The following PC variants were observed in gnomAD, a reference collection of about 807,000 sequenced individuals.
The protein encoded by PC is pyruvate carboxylase.
In PC, 46 loss-of-function variants were observed where a neutral mutation model predicts 107.8. That is an observed-to-expected ratio of 0.43 (90% CI 0.34 to 0.55). The LOEUF is 0.55. Among genes scored for constraint, PC ranks in the 20% least tolerant of loss-of-function variants. PC has a pLI of 0.04. For missense variants in PC, 1,241 were observed against 1,643.1 expected, an observed-to-expected ratio of 0.76 and a Z score of 4.23; for synonymous variants, 662 against 684.7, an observed-to-expected ratio of 0.97 and a Z score of 0.52.
chr11:66,921,246 C>A (rs1457660341), intron 3 of PC, among the ~76,000 whole-genome samples: 2 of 152,190 alleles, frequency 1.3e-5, no homozygotes, highest in Non-Finnish European at 2.9e-5. Context: ...AAACACTTCT[C>A]CTTTACATTT....
At position 66,858,276 on chromosome 11, in the gene PC, C is replaced by T. The variant is rs1945995949; in HGVS notation, c.1369-4893G>A. 3 of 1,612,106 alleles carry T rather than the reference C, an allele frequency of 1.9e-6. No individual in the cohort carries two copies. The East Asian group carries it at 6.7e-5, about 36-fold the overall frequency. On this transcript the variant is annotated intron_variant, in intron 12 of 22. Coordinates refer to ENST00000393960, the MANE Select transcript of PC (RefSeq NM_001040716.2). This position sits in a 1 kb window ranked among gnomAD's most constrained non-coding sequence, Gnocchi z 5.9. ...TGCCCTGCACACCCTCAACCTGGAC[C>T]ATAACCTTATTGACGCACTGCCCCC... is the stretch of plus-strand genomic sequence containing the variant.
In PC at chr11:66,848,845, G is replaced by T; in HGVS notation, c.*54C>A. On this transcript the variant is annotated 3_prime_UTR_variant, in exon 23 of 23. Transcript: ENST00000393960. ...TGGCTGGCCTGGGCCTGCCGTGGCAGCACAGCTTCTGTTGAAGGCTTGGGG... is the reference window on the plus strand; with the variant it reads ...TGGCTGGCCTGGGCCTGCCGTGGCATCACAGCTTCTGTTGAAGGCTTGGGG... 6.2e-7 allele frequency: 1 copy of T among 1,611,422 alleles called. No individual in the cohort carries two copies. The highest frequency in any genetic ancestry group is 8.5e-7 in the Non-Finnish European group (1 of 1,179,404).
At chr11:66,913,261 G>A (rs530408868) in intron 3 of PC, among the ~76,000 whole-genome samples, 1 of 151,690 alleles carries the variant, frequency 6.6e-6, no homozygotes, top group Non-Finnish European at 1.5e-5. Flanking sequence ...GGTGGCCCCT[G>A]GGCAGATCTA....
At chr11:66,879,257 C>G (rs1470218956) in intron 3 of PC, among the ~76,000 whole-genome samples, 1 of 152,250 alleles carries the variant, frequency 6.6e-6, no homozygotes, top group Non-Finnish European at 1.5e-5. Flanking sequence ...GCTGACCATG[C>G]ACCCAATGCT....
chr11:66,852,014 A>G lies in PC; in HGVS notation c.1826-68T>C, dbSNP rs1047965636. Reference sequence around the variant, plus strand: ...GGGAACTCCACCAGGCCTTGGAGCTAGCTCTGCAGCACAAGCCTCTGGCCC... The same window carrying G: ...GGGAACTCCACCAGGCCTTGGAGCTGGCTCTGCAGCACAAGCCTCTGGCCC... On this transcript the variant is annotated intron_variant, in intron 15 of 22. Coordinates refer to ENST00000393960, the MANE Select transcript of PC (RefSeq NM_001040716.2). This position sits in a 1 kb window ranked among gnomAD's most constrained non-coding sequence, Gnocchi z 4.7. 7.2e-6 allele frequency: 11 copies of G among 1,521,154 alleles called. No homozygotes were observed. Among genetic ancestry groups the G allele is most frequent in the Non-Finnish European group, 9.0e-6 (10 of 1,107,358 alleles). 94.2% of individuals were successfully genotyped at this position (1,521,154 alleles called of 1,614,324 possible). A position where few individuals can be genotyped will look rare whatever the true frequency, so the allele number is the denominator to read the frequency against.
chr11:66,890,128 G>A (rs1275549563), intron 3 of PC, among the ~76,000 whole-genome samples: 1 of 152,152 alleles, frequency 6.6e-6, no homozygotes, highest in African/African-American at 2.4e-5. Flanking sequence ...TCGGGGAGAA[G>A]ATTAGCGGCT....
intron 3 of PC, among the ~76,000 whole-genome samples, chr11:66,940,974 G>A (rs142860370): frequency 6.6e-6 from 1 of 151,582 alleles, no homozygotes; most frequent in East Asian, 1.9e-4. Context: ...TACTTGGGAG[G>A]CTGAGGCAAG....
chr11:66,877,788 A>ATT (rs1321027831), intron 3 of PC, among the ~76,000 whole-genome samples: 1 of 152,256 alleles, frequency 6.6e-6, no homozygotes, highest in Non-Finnish European at 1.5e-5. Flanking sequence ...AATGCTTGTG[A>ATT]TGTAATGTGA....
chr11:66,860,401 C>A, intron 12 of PC: 2 of 757,654 alleles, frequency 2.6e-6, no homozygotes, highest in Non-Finnish European at 4.6e-6. Context: ...GTGCTCACAG[C>A]CACCGAGGCA....
chr11:66,852,817 A>G lies in PC; in HGVS notation c.1533T>C (p.Gly511=), dbSNP rs905964251. The change falls in exon 14 of 23, where the codon GGT becomes GGC. Residue 511 remains glycine (G), a synonymous_variant. Transcript: ENST00000393960. The surrounding 1 kb of genome is among the most constrained non-coding windows in gnomAD (Gnocchi z 4.7). The stretch of plus-strand genomic sequence containing the variant: ...CCTTGACGGGAATCGGGGTGGTTGG[A>G]CCGTTTACCATGACATGGCCTGGGG... ...LHYLGHVMVN[G]PTTPIPVKAS... is the part of the protein sequence containing the mutation. The G allele has an allele frequency of 6.3e-7, 1 of 1,576,852 alleles. No homozygotes were observed. Among genetic ancestry groups the G allele is most frequent in the South Asian group, 1.2e-5 (1 of 85,390 alleles).
At chr11:66,899,120 T>C (rs1194063378) in intron 3 of PC, among the ~76,000 whole-genome samples, 4 of 152,186 alleles carry the variant, frequency 2.6e-5, no homozygotes, top group African/African-American at 9.6e-5. Context: ...TCCACCTGCC[T>C]TGGCCTCCCA....
chr11:66,885,383 G>A (rs754205039), intron 3 of PC, among the ~76,000 whole-genome samples: 16 of 151,884 alleles, frequency 1.1e-4, no homozygotes, highest in Non-Finnish European at 2.4e-4. Context: ...CCAGCTACTC[G>A]GGAAGCTGAG....
At chr11:66,928,469 G>C (rs970876618) in intron 3 of PC, among the ~76,000 whole-genome samples, 2 of 151,592 alleles carry the variant, frequency 1.3e-5, no homozygotes, top group African/African-American at 4.8e-5. Flanking sequence ...AATGACCATG[G>C]GGTGTTCAGT....
At position 66,848,702 on chromosome 11, in the gene PC, G is replaced by A; in HGVS notation, c.*197C>T. 1 of 666,090 alleles carries A rather than the reference G, an allele frequency of 1.5e-6. No homozygotes were observed. Among genetic ancestry groups the A allele is most frequent in the Non-Finnish European group, 2.6e-6 (1 of 382,000 alleles). The allele number at this position is 666,090 out of a possible 1,614,324, so 41.3% of individuals were successfully genotyped here. On this transcript the variant is annotated 3_prime_UTR_variant, in exon 23 of 23. Transcript: ENST00000393960. ...TATTTGGCAAGAGATGAACATGTAA[G>A]CAGCTGTCCGCCGGAGGAAAGGACG...
At chr11:66,864,092 C>T in intron 11 of PC, 136 bp from the exon 12 acceptor site, 1 of 870,910 alleles carries the variant, frequency 1.1e-6, no homozygotes, top group Non-Finnish European at 1.9e-6. Context: ...TGAATCCCAG[C>T]TCTGGCTGGT....
Position 66,857,756 on chromosome 11 carries a change from G to T in PC, c.1369-4373C>A. 6.3e-7 allele frequency: 1 copy of T among 1,593,056 alleles called. No individual in the cohort carries two copies. ...ACAGGGCGCTCACCATGGCCCCGCC[G>T]CTCCTGCTGCTGCTGCTGGCCAGTG... On this transcript the variant is annotated intron_variant, in intron 12 of 22. Transcript: ENST00000393960. The surrounding 1 kb of genome is among the most constrained non-coding windows in gnomAD (Gnocchi z 7.1).
Position 66,870,169 on chromosome 11 carries a change from T to C in PC, c.903+133A>G, listed in dbSNP as rs987994207. On this transcript the variant is annotated intron_variant, in intron 9 of 22. Coordinates refer to ENST00000393960, the MANE Select transcript of PC (RefSeq NM_001040716.2). This position sits in a 1 kb window ranked among gnomAD's most constrained non-coding sequence, Gnocchi z 6.1. ...CCACTTCTGGCCCCCAGGAGAGTCCTTCACCCTCTTCTCCCCATCCCCAGT... is the reference window on the plus strand; with the variant it reads ...CCACTTCTGGCCCCCAGGAGAGTCCCTCACCCTCTTCTCCCCATCCCCAGT... 9 of 1,132,316 alleles carry C rather than the reference T, an allele frequency of 7.9e-6. No homozygotes were observed. The highest frequency in any genetic ancestry group is 9.0e-6 in the Non-Finnish European group (7 of 775,192). 70.1% of individuals were successfully genotyped at this position (1,132,316 alleles called of 1,614,324 possible).
intron 3 of PC, among the ~76,000 whole-genome samples, chr11:66,945,224 G>A (rs2136141631): frequency 1.7e-5 from 2 of 117,460 alleles, no homozygotes; most frequent in Middle Eastern, 4.6e-3. Flanking sequence ...GGACTCAGAA[G>A]ACTGGGACTC....
At chr11:66,854,025 C>T (rs1210490462) in intron 12 of PC, among the ~76,000 whole-genome samples, 3 of 152,266 alleles carry the variant, frequency 2.0e-5, no homozygotes, top group Non-Finnish European at 4.4e-5. Flanking sequence ...CGGCCAGCTT[C>T]CTGCCTATGC....
Sources: allele counts gnomAD v4.1 joint callset (sites outside exome capture counted in the v4.1 genomes callset), GRCh38; gene constraint gnomAD v4.1.1; non-coding constraint Gnocchi (gnomAD v3.1); transcripts MANE v1.5; gene names NCBI Gene and HGNC (gene_info 2026-07-23, HGNC 2026-07-21).